QKI: variants seen among roughly 807,000 people sequenced by gnomAD.
QKI encodes QKI, KH domain containing RNA binding, also known as KH domain-containing RNA-binding protein QKI.
QKI carries 10 observed loss-of-function variants against 39.0 expected under a neutral mutation model. The observed-to-expected ratio is 0.26, with a 90% confidence interval of 0.16 to 0.43. QKI has a LOEUF of 0.43. Ranked by LOEUF, QKI falls within the 20% of genes least tolerant of loss-of-function variation. QKI has a pLI of 1.00. For synonymous variants in QKI, 204 were observed against 155.4 expected (o/e 1.31, Z -2.33); for missense variants, 218 against 428.0 (o/e 0.51, Z 4.33).
chr6:163,428,570 A>G (rs1203323484), intron 1 of QKI, among the ~76,000 whole-genome samples: 2 of 152,214 alleles, frequency 1.3e-5, no homozygotes. Context: ...CTTTTATTAT[A>G]GTTTATAGCA....
chr6:163,425,896 C>G (rs1486807935), intron 1 of QKI, among the ~76,000 whole-genome samples: 1 of 152,088 alleles, frequency 6.6e-6, no homozygotes, highest in East Asian at 1.9e-4. Flanking sequence ...AAATTTTGTC[C>G]CAATTTCAGA....
At chr6:163,493,294 C>T (rs1233401866) in intron 3 of QKI, among the ~76,000 whole-genome samples, 1 of 152,088 alleles carries the variant, frequency 6.6e-6, no homozygotes, top group Non-Finnish European at 1.5e-5. Flanking sequence ...CCACTCCCAG[C>T]TAATTTTTTG....
rs189258521 is a variant in QKI at position 163,508,850 on chromosome 6, T to C, written c.403-26132T>C. ...GGGCACTTTTACCTTTTTAAAGATA[T>C]TTTACTGGCCGGGCACGGTGGCTCA... On this transcript the variant is annotated intron_variant, in intron 3 of 7. Coordinates refer to ENST00000361752, the MANE Select transcript of QKI (RefSeq NM_006775.3). Among the ~76,000 whole-genome samples the C allele has an allele frequency of 2.5e-4, 38 of 151,810 alleles. No individual in the cohort carries two copies. In the East Asian group the frequency reaches 6.9e-3, roughly 28 times the overall value.
intron 1 of QKI, among the ~76,000 whole-genome samples, chr6:163,428,730 A>C (rs922315913): frequency 6.9e-6 from 1 of 145,016 alleles, no homozygotes; most frequent in East Asian, 2.1e-4. Context: ...ATATTTTCCT[A>C]GTTCAGTTAT....
intron 1 of QKI, among the ~76,000 whole-genome samples, chr6:163,446,466 G>A (rs968747321): frequency 6.6e-6 from 1 of 152,090 alleles, no homozygotes; most frequent in Non-Finnish European, 1.5e-5. Context: ...GGATTCTGAT[G>A]ATATCAAACT....
intron 1 of QKI, among the ~76,000 whole-genome samples, chr6:163,420,943 T>G (rs1298792635): frequency 2.0e-5 from 3 of 152,220 alleles, no homozygotes; most frequent in African/African-American, 7.2e-5. Flanking sequence ...TTAAAATTAC[T>G]TTCTTGAAGG....
chr6:163,549,640 A>C (rs1198534280), intron 4 of QKI, among the ~76,000 whole-genome samples: 1 of 152,180 alleles, frequency 6.6e-6, no homozygotes, highest in Non-Finnish European at 1.5e-5. Flanking sequence ...TGAACCCAGG[A>C]GGTGGAGGTT....
In QKI at chr6:163,459,937, A is replaced by G. The variant is rs1343283306; in HGVS notation, c.285+4516A>G. On this transcript the variant is annotated intron_variant, in intron 2 of 7. Transcript: ENST00000361752. ...TTTGAATCCATGGAGATGTGTTATA[A>G]ATGATTATGAATAGAGTTAACTGAT... 2.0e-5 allele frequency among the ~76,000 whole-genome samples: 3 copies of G among 152,326 alleles called. No homozygotes were observed. In the East Asian group the frequency reaches 5.8e-4, roughly 29 times the overall value.
chr6:163,525,022 A>G (rs1200743473), intron 3 of QKI, among the ~76,000 whole-genome samples: 1 of 152,220 alleles, frequency 6.6e-6, no homozygotes, highest in South Asian at 2.1e-4. Flanking sequence ...GTGGTTAGTA[A>G]GTGTGGTATC....
chr6:163,512,108 T>C (rs1165468575), intron 3 of QKI, among the ~76,000 whole-genome samples: 1 of 152,076 alleles, frequency 6.6e-6, no homozygotes, highest in Non-Finnish European at 1.5e-5. Flanking sequence ...TATAATTATA[T>C]CTAGGAGCAA....
At chr6:163,470,346 A>G (rs1411987893) in intron 2 of QKI, among the ~76,000 whole-genome samples, 1 of 152,140 alleles carries the variant, frequency 6.6e-6, no homozygotes, top group Non-Finnish European at 1.5e-5. Flanking sequence ...AGGTCCTCAC[A>G]GAGACAGTAT....
intron 3 of QKI, among the ~76,000 whole-genome samples, chr6:163,492,044 T>G (rs1466146090): frequency 6.6e-6 from 1 of 152,194 alleles, no homozygotes; most frequent in African/African-American, 2.4e-5. Context: ...TTGAGCATCT[T>G]GTAGTTGTGT....
chr6:163,428,811 AACTCTGCACAGGAGAGAAGAATATG>A (rs1788607988), intron 1 of QKI, among the ~76,000 whole-genome samples: 1 of 151,828 alleles, frequency 6.6e-6, no homozygotes, highest in Non-Finnish European at 1.5e-5. Flanking sequence ...CTTGAAATTG[AACTCTGCACAGGAGAGAAGAATATG>A]TCTTGTTTCT....
At chr6:163,452,644 A>C (rs1434722156) in intron 1 of QKI, among the ~76,000 whole-genome samples, 1 of 152,222 alleles carries the variant, frequency 6.6e-6, no homozygotes, top group African/African-American at 2.4e-5. Flanking sequence ...GGTATTTATA[A>C]AAATACAACT....
At chr6:163,561,145 A>G (rs1205651932) in intron 4 of QKI, among the ~76,000 whole-genome samples, 2 of 152,204 alleles carry the variant, frequency 1.3e-5, no homozygotes, top group African/African-American at 4.8e-5. Context: ...TTTAGAAGTT[A>G]TTATTTCACT....
rs912195482 is a variant in QKI, at chr6:163,522,037, A to C, written c.403-12945A>C. Among the ~76,000 whole-genome samples, 4 of 152,348 alleles carry C rather than the reference A, an allele frequency of 2.6e-5. No homozygotes were observed. In the South Asian group the frequency reaches 8.3e-4, roughly 32 times the overall value. ...AGATACAGGAAAGAACAGAGATAGG[A>C]GTTACATAGTAAAAGTGTTAAGTAT... On this transcript the variant is annotated intron_variant, in intron 3 of 7. Transcript: ENST00000361752.
At chr6:163,563,888 G>T (rs570724959) in intron 6 of QKI, 169 bp downstream of exon 6, 8 of 1,419,654 alleles carry the variant, frequency 5.6e-6, no homozygotes, top group Non-Finnish European at 7.3e-6. Context: ...GTTCCCCTTT[G>T]AAATAATTGC....
intron 1 of QKI, among the ~76,000 whole-genome samples, chr6:163,432,589 C>T (rs1016636686): frequency 3.9e-5 from 6 of 151,938 alleles, no homozygotes; most frequent in African/African-American, 1.5e-4. Flanking sequence ...TGGTAAGAGA[C>T]AGGGTCTCAC....
chr6:163,517,089 C>T (rs921963718), intron 3 of QKI, among the ~76,000 whole-genome samples: 1 of 149,734 alleles, frequency 6.7e-6, no homozygotes, highest in African/African-American at 2.5e-5. Flanking sequence ...CTTTCTCTCT[C>T]TCTCTCTCTC....
Sources: gnomAD v4.1 joint callset for allele counts (sites outside exome capture counted in the v4.1 genomes callset) on GRCh38, gnomAD v4.1.1 for gene constraint, MANE v1.5 for transcripts, NCBI Gene and HGNC (gene_info 2026-07-23, HGNC 2026-07-21) for gene names.